KANK4: variants seen among roughly 807,000 people sequenced by gnomAD.
KANK4 encodes KN motif and ankyrin repeat domain-containing protein 4.
KANK4 carries 50 observed loss-of-function variants against 80.8 expected under a neutral mutation model. The ratio of observed to expected loss-of-function variants is 0.62; its 90% CI spans 0.49 to 0.78. The LOEUF (loss-of-function observed/expected upper bound fraction) is 0.78, where lower values mean the gene tolerates loss of function less well. Ranked by LOEUF, KANK4 falls within the 30% of genes least tolerant of loss-of-function variation. The pLI is 0.00. For synonymous variants in KANK4, 465 were observed against 506.9 expected, an observed-to-expected ratio of 0.92 and a Z score of 1.11; for missense variants, 1,196 against 1,240.1, an observed-to-expected ratio of 0.96 and a Z score of 0.53.
chr1:62,314,506 A>G (rs1644523748), intron 1 of KANK4, among the ~76,000 whole-genome samples: 1 of 152,022 alleles, frequency 6.6e-6, no homozygotes, highest in African/African-American at 2.4e-5. Flanking sequence ...GCTGGGCAGA[A>G]ACCAGGATGT....
intron 1 of KANK4, among the ~76,000 whole-genome samples, chr1:62,299,143 G>A (rs1038827259): frequency 2.6e-4 from 39 of 151,972 alleles, no homozygotes; most frequent in Non-Finnish European, 5.1e-4. Flanking sequence ...ATCTAGCCTC[G>A]ACCTCCTAAG....
At chr1:62,238,697 G>A (rs1671268732) in intron 9 of KANK4, among the ~76,000 whole-genome samples, 1 of 149,864 alleles carries the variant, frequency 6.7e-6, no homozygotes, top group African/African-American at 2.4e-5. Flanking sequence ...TGGCGCAATC[G>A]GAGCTCACTG....
At chr1:62,267,801 CAA>C (rs59851783) in intron 5 of KANK4, among the ~76,000 whole-genome samples, 7 of 126,548 alleles carry the variant, frequency 5.5e-5, no homozygotes, top group Admixed American at 8.3e-5. Flanking sequence ...GACTCCGTCT[CAA>C]AAAAAAAAAA....
chr1:62,256,499 C>T (rs1257562629), intron 7 of KANK4, among the ~76,000 whole-genome samples: 1 of 152,040 alleles, frequency 6.6e-6, no homozygotes, highest in East Asian at 1.9e-4. Flanking sequence ...AATTTTCCTG[C>T]CTCAGCCTGA....
At chr1:62,312,362 C>T (rs1644504370) in intron 1 of KANK4, among the ~76,000 whole-genome samples, 1 of 152,144 alleles carries the variant, frequency 6.6e-6, no homozygotes, top group Non-Finnish European at 1.5e-5. Context: ...TGCCTACATT[C>T]GTAATACAAG....
In KANK4 at chr1:62,238,246, T is replaced by C. The variant is rs748768364; in HGVS notation, c.*31A>G. The C allele has an allele frequency of 6.5e-7, 1 of 1,538,740 alleles. No individual in the cohort carries two copies. The highest frequency in any genetic ancestry group is 9.0e-7 in the Non-Finnish European group (1 of 1,112,644). On this transcript the variant is annotated 3_prime_UTR_variant, in exon 10 of 10. Coordinates refer to ENST00000371153, the MANE Select transcript of KANK4 (RefSeq NM_181712.5). ...GGGAGGAGTCCAGAGAAGAAGGCTT[T>C]TGTTCCCCACGGCCAGTTCTTCTGC...
At chr1:62,308,788 G>A (rs1039374375) in intron 1 of KANK4, among the ~76,000 whole-genome samples, 3 of 152,164 alleles carry the variant, frequency 2.0e-5, no homozygotes, top group East Asian at 1.9e-4. Context: ...AGAAGGCAAC[G>A]ATCTGGGAAA....
intron 7 of KANK4, among the ~76,000 whole-genome samples, chr1:62,261,626 C>T (rs1028260975): frequency 2.0e-5 from 3 of 152,110 alleles, no homozygotes; most frequent in Admixed American, 6.6e-5. Context: ...GAGAATTACC[C>T]TGGTTATGGA....
intron 6 of KANK4, 104 bp from the exon 7 acceptor site, chr1:62,263,415 C>T: frequency 2.3e-6 from 2 of 873,730 alleles, no homozygotes; most frequent in South Asian, 3.0e-5. Context: ...GCAGCTCCCT[C>T]CAGCTTGCCA....
At chr1:62,291,691 T>C (rs1672681530) in intron 1 of KANK4, among the ~76,000 whole-genome samples, 1 of 152,084 alleles carries the variant, frequency 6.6e-6, no homozygotes, top group East Asian at 1.9e-4. Context: ...CAATGCAACC[T>C]CCACCTCCCG....
chr1:62,247,292 G>C (rs1011561621), intron 9 of KANK4, among the ~76,000 whole-genome samples, 180 bp downstream of exon 9: 3 of 149,494 alleles, frequency 2.0e-5, no homozygotes, highest in African/African-American at 7.5e-5. Context: ...AGGAGGGGAA[G>C]TTAAACAGCT....
intron 1 of KANK4, among the ~76,000 whole-genome samples, chr1:62,307,195 C>T (rs574020713): frequency 7.9e-5 from 12 of 152,158 alleles, no homozygotes; most frequent in Admixed American, 7.2e-4. Flanking sequence ...CAAAATTTTC[C>T]TGAGGAGTCC....
chr1:62,241,664 C>T (rs1671344901), intron 9 of KANK4, among the ~76,000 whole-genome samples: 1 of 152,140 alleles, frequency 6.6e-6, no homozygotes, highest in Admixed American at 6.6e-5. Flanking sequence ...GAATCTAAAT[C>T]CTAGTGAATG....
At chr1:62,239,516 A>G (rs1234768307) in intron 9 of KANK4, among the ~76,000 whole-genome samples, 1 of 151,038 alleles carries the variant, frequency 6.6e-6, no homozygotes, top group Non-Finnish European at 1.5e-5. Flanking sequence ...TGGTTCTTTT[A>G]TTATTATTAT....
intron 1 of KANK4, among the ~76,000 whole-genome samples, chr1:62,301,604 C>T (rs1192788375): frequency 4.6e-5 from 7 of 151,820 alleles, no homozygotes; most frequent in Admixed American, 3.3e-4. Flanking sequence ...GGGTCTGAAT[C>T]CCAGCTCTGC....
intron 9 of KANK4, among the ~76,000 whole-genome samples, chr1:62,244,202 T>TTA (rs202064412): frequency 0.066 from 9,958 of 151,108 alleles, 775 homozygotes; most frequent in African/African-American, 0.19. Context: ...ATTTTTTATT[T>TTA]TTTTTTTTTT....
At chr1:62,253,252 C>A in intron 7 of KANK4, 43 bp from the exon 8 acceptor site, 2 of 1,563,530 alleles carry the variant, frequency 1.3e-6, no homozygotes, top group Non-Finnish European at 1.7e-6. Context: ...CCTGAGGGGC[C>A]AGGAGCCAGA....
intron 1 of KANK4, among the ~76,000 whole-genome samples, chr1:62,283,435 A>T (rs1672493878): frequency 6.6e-6 from 1 of 152,228 alleles, no homozygotes; most frequent in East Asian, 1.9e-4. Flanking sequence ...CAAGTGTTGT[A>T]GCAGGATGTG....
chr1:62,257,507 T>C (rs1389887234), intron 7 of KANK4, among the ~76,000 whole-genome samples: 2 of 152,236 alleles, frequency 1.3e-5, no homozygotes, highest in Non-Finnish European at 2.9e-5. Flanking sequence ...CAATAAGCCC[T>C]GCAAGGGCAT....
Sources: allele counts gnomAD v4.1 joint callset (sites outside exome capture counted in the v4.1 genomes callset), GRCh38; gene constraint gnomAD v4.1.1; transcripts MANE v1.5; gene names NCBI Gene and HGNC (gene_info 2026-07-23, HGNC 2026-07-21).